CSMD1: variants seen among roughly 807,000 people sequenced by gnomAD.
CSMD1 encodes the protein CUB and Sushi multiple domains 1.
In CSMD1, 213 loss-of-function variants were observed where a neutral mutation model predicts 417.5. The ratio of observed to expected loss-of-function variants is 0.51; its 90% CI spans 0.46 to 0.57. The LOEUF (loss-of-function observed/expected upper bound fraction) is 0.57. Among genes scored for constraint, CSMD1 ranks in the 20% least tolerant of loss-of-function variants. CSMD1 has a pLI of 0.00. For missense variants in CSMD1, 6,923 were observed against 4,529.7 expected (o/e 1.53, Z -15.17); for synonymous variants, 2,862 against 1,736.8 (o/e 1.65, Z -16.11).
chr8:4,175,864 C>T (rs556291171), intron 3 of CSMD1, among the ~76,000 whole-genome samples: 1 of 152,090 alleles, frequency 6.6e-6, no homozygotes, highest in African/African-American at 2.4e-5. Flanking sequence ...CAAAATGTTA[C>T]CAAGCGAGTA....
chr8:4,012,414 AT>A (rs1343260052), intron 4 of CSMD1, among the ~76,000 whole-genome samples: 2 of 152,058 alleles, frequency 1.3e-5, no homozygotes, highest in African/African-American at 4.8e-5. Context: ...GCGTGGATTT[AT>A]TTTTATGTTT....
At chr8:3,280,802 G>T (rs191267465) in intron 26 of CSMD1, among the ~76,000 whole-genome samples, 89 of 151,704 alleles carry the variant, frequency 5.9e-4, no homozygotes, top group African/African-American at 2.1e-3. Flanking sequence ...TTAATTATAT[G>T]AGAAGAAACA....
At chr8:3,082,990 G>C (rs921629672) in intron 49 of CSMD1, among the ~76,000 whole-genome samples, 1 of 152,176 alleles carries the variant, frequency 6.6e-6, no homozygotes, top group Non-Finnish European at 1.5e-5. Flanking sequence ...GTGGTGATGT[G>C]TTAATTTAGC....
intron 5 of CSMD1, among the ~76,000 whole-genome samples, chr8:3,766,249 C>G (rs1000799383): frequency 2.6e-5 from 4 of 152,194 alleles, no homozygotes; most frequent in Non-Finnish European, 5.9e-5. Context: ...CTGTCATGCC[C>G]CACCTGGAAA....
intron 7 of CSMD1, among the ~76,000 whole-genome samples, chr8:3,668,884 C>T (rs1201177530): frequency 2.6e-5 from 4 of 152,126 alleles, no homozygotes; most frequent in Admixed American, 2.0e-4. Flanking sequence ...AGCCTTAATG[C>T]GGGTGGCAAA....
rs542611072 is a variant in CSMD1 at position 4,873,290 on chromosome 8, G to T, written c.85+121042C>A. Among the ~76,000 whole-genome samples the T allele has an allele frequency of 1.3e-3, 198 of 152,176 alleles. 4 individuals are homozygous for T. The highest frequency in any genetic ancestry group is 4.4e-3 in the African/African-American group (181 of 41,474). The stretch of plus-strand genomic sequence containing the variant: ...ATCTCTTAAAAACTATCTAAAAAAT[G>T]CCTTTTAAAATTCACATTCGTAGAC... On this transcript the variant is annotated intron_variant, in intron 1 of 69. Coordinates refer to ENST00000635120, the MANE Select transcript of CSMD1 (RefSeq NM_033225.6).
chr8:4,073,722 T>C (rs768023281), intron 3 of CSMD1, among the ~76,000 whole-genome samples: 7 of 152,170 alleles, frequency 4.6e-5, no homozygotes, highest in East Asian at 1.9e-4. Flanking sequence ...TTGACTTGTA[T>C]AGACACCAGC....
At chr8:4,785,755 A>T (rs570641477) in intron 1 of CSMD1, among the ~76,000 whole-genome samples, 7 of 152,292 alleles carry the variant, frequency 4.6e-5, no homozygotes, top group African/African-American at 1.4e-4. Context: ...TCATACAAAT[A>T]ATAGTACTTT....
intron 26 of CSMD1, among the ~76,000 whole-genome samples, chr8:3,239,163 G>A (rs1445507317): frequency 1.3e-5 from 2 of 152,108 alleles, no homozygotes; most frequent in Admixed American, 6.6e-5. Context: ...GCTTGGTAAG[G>A]TTTTAAAAGA....
chr8:3,863,395 CAA>C (rs35446566), intron 5 of CSMD1, among the ~76,000 whole-genome samples: 2,287 of 90,232 alleles, frequency 0.025, 15 homozygotes, highest in African/African-American at 0.031. Flanking sequence ...ATACTCTGCT[CAA>C]AAAAAAAAAA....
intron 7 of CSMD1, 40 bp downstream of exon 7, chr8:3,708,374 A>G: frequency 6.5e-7 from 1 of 1,548,696 alleles, no homozygotes; most frequent in African/African-American, 1.4e-5. Flanking sequence ...TCTGCTTACA[A>G]GGGCGTATCA....
intron 10 of CSMD1, among the ~76,000 whole-genome samples, chr8:3,558,557 C>T (rs1337980087): frequency 1.8e-3 from 267 of 147,986 alleles, no homozygotes; most frequent in African/African-American, 6.3e-3. Context: ...CAATGGTACC[C>T]CGTGTCCACT....
chr8:3,630,715 G>A (rs565737233), intron 7 of CSMD1, among the ~76,000 whole-genome samples: 44 of 138,634 alleles, frequency 3.2e-4, no homozygotes, highest in Non-Finnish European at 5.6e-4. Context: ...AAGAATTGAG[G>A]GAAATGGAGT....
intron 1 of CSMD1, among the ~76,000 whole-genome samples, chr8:4,943,755 T>C (rs945774872): frequency 6.6e-6 from 1 of 152,154 alleles, no homozygotes; most frequent in Non-Finnish European, 1.5e-5. Flanking sequence ...GCAAAGGACT[T>C]TGGTAAGTTA....
At chr8:4,390,798 C>T (rs1022790682) in intron 3 of CSMD1, among the ~76,000 whole-genome samples, 1 of 152,096 alleles carries the variant, frequency 6.6e-6, no homozygotes, top group South Asian at 2.1e-4. Context: ...GCCTCAGCCT[C>T]CCAAAGTGCT....
At chr8:4,107,555 A>G (rs74777181) in intron 3 of CSMD1, among the ~76,000 whole-genome samples, 7,822 of 152,312 alleles carry the variant, frequency 0.051, 274 homozygotes, top group Non-Finnish European at 0.075. Context: ...GCTACAAAGT[A>G]GCACCTGCTG....
intron 5 of CSMD1, among the ~76,000 whole-genome samples, chr8:3,950,321 T>G (rs1033564945): frequency 6.6e-6 from 1 of 152,154 alleles, no homozygotes. Flanking sequence ...AGTTTCCAAG[T>G]AGAAAAGCCA....
intron 1 of CSMD1, among the ~76,000 whole-genome samples, chr8:4,968,399 T>A (rs1585427879): frequency 6.6e-6 from 1 of 150,794 alleles, no homozygotes; most frequent in East Asian, 1.9e-4. Flanking sequence ...CTGTAACTGT[T>A]AAAAAAAAAT....
chr8:3,742,361 T>C (rs1563331088), intron 6 of CSMD1, among the ~76,000 whole-genome samples: 1 of 152,198 alleles, frequency 6.6e-6, no homozygotes, highest in Non-Finnish European at 1.5e-5. Flanking sequence ...GTGGCGAATC[T>C]GACCCGAATA....
Sources: gnomAD v4.1 joint callset for allele counts (sites outside exome capture counted in the v4.1 genomes callset) on GRCh38, gnomAD v4.1.1 for gene constraint, MANE v1.5 for transcripts, NCBI Gene and HGNC (gene_info 2026-07-23, HGNC 2026-07-21) for gene names.